IL16: variants seen among roughly 807,000 people sequenced by gnomAD.
IL16 encodes the protein pro-interleukin-16.
A neutral mutation model predicts 110.1 loss-of-function variants in IL16; 67 were observed. That is an observed-to-expected ratio of 0.61 (90% CI 0.50 to 0.75). The LOEUF is 0.75. Among genes scored for constraint, IL16 ranks in the 30% least tolerant of loss-of-function variants. The probability of loss-of-function intolerance (pLI) is 0.00; values close to 1 mark genes in which losing one functional copy is unlikely to be tolerated. For synonymous variants in IL16, 689 were observed against 662.9 expected (o/e 1.04, Z -0.61); for missense variants, 1,545 against 1,655.0 (o/e 0.93, Z 1.15).
chr15:81,260,828 G>T (rs1048953479), intron 3 of IL16, among the ~76,000 whole-genome samples: 5 of 152,020 alleles, frequency 3.3e-5, no homozygotes, highest in Non-Finnish European at 5.9e-5. Flanking sequence ...CCTATTATTG[G>T]AAATAAAAAT....
At chr15:81,217,849 C>A (rs544312944) in intron 1 of IL16, among the ~76,000 whole-genome samples, 1 of 152,006 alleles carries the variant, frequency 6.6e-6, no homozygotes, top group African/African-American at 2.4e-5. Flanking sequence ...AAAATGCTTC[C>A]AAAATTATCA....
At chr15:81,215,686 T>C (rs995371209) in intron 1 of IL16, among the ~76,000 whole-genome samples, 2 of 152,184 alleles carry the variant, frequency 1.3e-5, no homozygotes, top group Admixed American at 1.3e-4. Flanking sequence ...CCTTTCTGGA[T>C]TGACCCTGTG....
intron 12 of IL16, among the ~76,000 whole-genome samples, chr15:81,294,230 C>T (rs1246347128): frequency 6.6e-6 from 1 of 152,180 alleles, no homozygotes; most frequent in African/African-American, 2.4e-5. Flanking sequence ...TTTTGCAGAG[C>T]GCTGGCAGGA....
At chr15:81,222,225 G>A (rs1186583566) in intron 1 of IL16, among the ~76,000 whole-genome samples, 1 of 152,122 alleles carries the variant, frequency 6.6e-6, no homozygotes, top group East Asian at 1.9e-4. Flanking sequence ...GAAGGGGGCA[G>A]AGTTGAGGCC....
chr15:81,307,035 C>T (rs139537803), intron 18 of IL16, among the ~76,000 whole-genome samples: 30 of 152,282 alleles, frequency 2.0e-4, no homozygotes, highest in African/African-American at 6.7e-4. Flanking sequence ...CACGTCAGCT[C>T]CTGCCTTTAT....
chr15:81,257,532 C>T (rs1354640753), intron 2 of IL16, among the ~76,000 whole-genome samples: 1 of 152,178 alleles, frequency 6.6e-6, no homozygotes, highest in Non-Finnish European at 1.5e-5. Flanking sequence ...GCTCATTAGC[C>T]TGCCATTGAC....
intron 1 of IL16, among the ~76,000 whole-genome samples, chr15:81,185,054 G>T (rs1385532945): frequency 6.6e-6 from 1 of 152,176 alleles, no homozygotes; most frequent in African/African-American, 2.4e-5. Context: ...GGCTGGGCCT[G>T]TGGGAAGCAG....
intron 1 of IL16, among the ~76,000 whole-genome samples, chr15:81,216,168 G>A (rs555617558): frequency 1.2e-4 from 18 of 152,344 alleles, no homozygotes; most frequent in African/African-American, 4.3e-4. Context: ...ATCTGTGGCT[G>A]CTCTCTGCTG....
rs1484956646 is a variant in IL16, at chr15:81,269,570, A to T, written c.597A>T (p.Thr199=). 2 of 1,613,968 alleles carry T rather than the reference A, an allele frequency of 1.2e-6. No individual in the cohort carries two copies. The highest frequency in any genetic ancestry group is 1.7e-6 in the Non-Finnish European group (2 of 1,179,936). ...GTSRPTRSLS[T]AQLVQPSGGL... The stretch of plus-strand genomic sequence containing the variant: ...CGAGACCAACACGGTCCCTGAGCAC[A>T]GCTCAGCTCGTGCAGCCATCTGGGG... The change falls in exon 5 of 19, where the codon ACA becomes ACT. Residue 199 remains threonine (T), a synonymous_variant. Transcript: ENST00000683961.
At chr15:81,184,766 G>T (rs1004768100) in intron 1 of IL16, among the ~76,000 whole-genome samples, 3 of 152,246 alleles carry the variant, frequency 2.0e-5, no homozygotes, top group Admixed American at 6.5e-5. Context: ...TTGCATAGAA[G>T]TGTGCCTTTG....
intron 4 of IL16, among the ~76,000 whole-genome samples, chr15:81,267,367 TACTCA>T (rs1313714036): frequency 1.3e-5 from 2 of 152,162 alleles, no homozygotes; most frequent in Admixed American, 6.5e-5. Flanking sequence ...TTATTCCCTC[TACTCA>T]ACTCCTCAAA....
intron 1 of IL16, among the ~76,000 whole-genome samples, chr15:81,191,531 G>T (rs1895497354): frequency 6.6e-6 from 1 of 152,182 alleles, no homozygotes; most frequent in Non-Finnish European, 1.5e-5. Context: ...CAGTGAACAG[G>T]CTGATGAGGT....
At chr15:81,288,848 T>TGC (rs1555422840) in intron 10 of IL16, among the ~76,000 whole-genome samples, 201 of 150,866 alleles carry the variant, frequency 1.3e-3, no homozygotes, top group African/African-American at 4.7e-3. Flanking sequence ...TGTGTGTGTG[T>TGC]GCGTGTGTGT....
rs532134233 is a variant in IL16, at chr15:81,188,444, G to A, written c.40+5548G>A. 114 of 455,996 alleles carry A rather than the reference G, an allele frequency of 2.5e-4. 1 individual carries two copies. Among genetic ancestry groups the A allele is most frequent in the Middle Eastern group, 1.8e-3 (5 of 2,850 alleles). The allele number at this position is 455,996 out of a possible 1,614,324, so 28.2% of individuals were successfully genotyped here. A position where few individuals can be genotyped will look rare whatever the true frequency, so the allele number is the denominator to read the frequency against. The stretch of plus-strand genomic sequence containing the variant: ...CCACTGTATTTCAGGCAGTGAGAGC[G>A]TTCTGTATAAGTCTTATAATAACCC... On this transcript the variant is annotated intron_variant, in intron 1 of 18. Coordinates refer to the IL16 transcript ENST00000302987.
rs368595240 is a variant in IL16, at chr15:81,290,563, A to G, written c.1420+23A>G. 4 of 1,500,630 alleles carry G rather than the reference A, an allele frequency of 2.7e-6. No homozygotes were observed. The East Asian group carries it at 6.8e-5, about 25-fold the overall frequency. 93.0% of individuals were successfully genotyped at this position (1,500,630 alleles called of 1,614,324 possible). On this transcript the variant is annotated intron_variant, in intron 11 of 18. Transcript: ENST00000683961. ...AAGGTAAGACAAATGGTGAACTTTG[A>G]TGTAAAATATCTTTGCCTTCTTAGA...
intron 1 of IL16, among the ~76,000 whole-genome samples, chr15:81,190,851 A>G (rs1895488158): frequency 6.6e-6 from 1 of 152,222 alleles, no homozygotes; most frequent in South Asian, 2.1e-4. Context: ...GGAGAAGGGT[A>G]CAGTGCTTCA....
intron 2 of IL16, among the ~76,000 whole-genome samples, chr15:81,256,153 G>T (rs1328369654): frequency 1.3e-5 from 2 of 152,088 alleles, no homozygotes; most frequent in African/African-American, 4.8e-5. Context: ...CAGAGTAAGT[G>T]CTTAATAAAC....
rs778977498 is a variant in IL16, at chr15:81,292,744, G to A, written c.1609G>A (p.Val537Met). Residue 537 changes from valine (V) to methionine (M), a missense_variant, in exon 12 of 19, where the codon GTG becomes ATG. Transcript: ENST00000683961. ...SGSAEKPSSD[V>M]DISTHSPSLP... The stretch of plus-strand genomic sequence containing the variant: ...CAGTGCTGAGAAGCCGTCCTCTGAC[G>A]TGGACATCAGCACACACAGCCCCAG... 2.0e-5 allele frequency: 33 copies of A among 1,614,060 alleles called. No homozygotes were observed. The highest frequency in any genetic ancestry group is 8.0e-5 in the African/African-American group (6 of 74,928).
chr15:81,206,209 G>A (rs569542748), intron 1 of IL16, among the ~76,000 whole-genome samples: 2 of 151,790 alleles, frequency 1.3e-5, no homozygotes, highest in African/African-American at 2.4e-5. Flanking sequence ...TTTCATCGTC[G>A]TACAAACGTT....
Sources: gnomAD v4.1 joint callset for allele counts (sites outside exome capture counted in the v4.1 genomes callset) on GRCh38, gnomAD v4.1.1 for gene constraint, MANE v1.5 for transcripts, NCBI Gene and HGNC (gene_info 2026-07-23, HGNC 2026-07-21) for gene names.